The following DYNC2H1 variants were observed in gnomAD, a reference collection of about 807,000 sequenced individuals.
DYNC2H1 encodes cytoplasmic dynein 2 heavy chain 1.
In DYNC2H1, 410 loss-of-function variants were observed where a neutral mutation model predicts 570.0. The observed-to-expected ratio is 0.72, with a 90% CI of 0.66 to 0.78. The LOEUF is 0.78. Ranked by LOEUF, DYNC2H1 falls within the 30% of genes least tolerant of loss-of-function variation. DYNC2H1 has a pLI of 0.00. For missense variants in DYNC2H1, 4,865 were observed against 5,046.4 expected, an observed-to-expected ratio of 0.96 and a Z score of 1.09; for synonymous variants, 1,688 against 1,677.6, an observed-to-expected ratio of 1.01 and a Z score of -0.15.
Position 103,204,992 on chromosome 11 carries a change from A to T in DYNC2H1, c.8454+28A>T. 6.5e-7 allele frequency: 1 copy of T among 1,535,156 alleles called. No individual in the cohort carries two copies. Among genetic ancestry groups the T allele is most frequent in the East Asian group, 2.5e-5 (1 of 40,600 alleles). ...AAGTTTAACAAATATTAAAAAATTTAAAAGCACATTTTATTTTTGAAGTTA... is the reference window on the plus strand; with the variant it reads ...AAGTTTAACAAATATTAAAAAATTTTAAAGCACATTTTATTTTTGAAGTTA... On this transcript the variant is annotated intron_variant, in intron 52 of 88. Transcript: ENST00000375735. This position sits in a 1 kb window ranked among gnomAD's most constrained non-coding sequence, Gnocchi z 4.1.
At chr11:103,211,166 T>C (rs1418752176) in intron 53 of DYNC2H1, among the ~76,000 whole-genome samples, 1 of 151,124 alleles carries the variant, frequency 6.6e-6, no homozygotes, top group African/African-American at 2.4e-5. Context: ...GATGATTATG[T>C]AATGGCTGTG....
intron 31 of DYNC2H1, among the ~76,000 whole-genome samples, chr11:103,168,030 A>G (rs1256334435): frequency 6.6e-6 from 1 of 152,200 alleles, no homozygotes; most frequent in Non-Finnish European, 1.5e-5. Context: ...CTTCTTCTCC[A>G]TGATCTTCCC....
rs1867230138 is a variant in DYNC2H1 at position 103,305,248 on chromosome 11, G to T, written c.11382+528G>T. On this transcript the variant is annotated intron_variant, in intron 77 of 88. Transcript: ENST00000375735. The surrounding 1 kb of genome is among the most constrained non-coding windows in gnomAD (Gnocchi z 4.3). ...AGAAAGATGAGTAGGGTCTTGGGTA[G>T]TTAAAGATGATTCTGAAGAGATATT... is the stretch of plus-strand genomic sequence containing the variant. 6.6e-6 allele frequency among the ~76,000 whole-genome samples: 1 copy of T among 152,202 alleles called. No individual in the cohort carries two copies. The highest frequency in any genetic ancestry group is 2.4e-5 in the African/African-American group (1 of 41,460).
intron 61 of DYNC2H1, among the ~76,000 whole-genome samples, chr11:103,235,097 T>C (rs1381460295): frequency 1.3e-5 from 2 of 151,960 alleles, no homozygotes; most frequent in African/African-American, 4.8e-5. Flanking sequence ...GAATTATCTT[T>C]ATAAAACCCA....
chr11:103,335,021 C>T (rs1235477176), intron 82 of DYNC2H1, among the ~76,000 whole-genome samples: 1 of 152,002 alleles, frequency 6.6e-6, no homozygotes, highest in African/African-American at 2.4e-5. Context: ...AAATACATTG[C>T]CCATGATTAC....
intron 83 of DYNC2H1, among the ~76,000 whole-genome samples, chr11:103,391,761 G>A (rs529552009): frequency 4.5e-4 from 68 of 152,296 alleles, no homozygotes; most frequent in Admixed American, 1.4e-3. Flanking sequence ...CTGGAGGTCC[G>A]CTCCAGACCC....
chr11:103,132,661 T>C (rs1859337550), intron 13 of DYNC2H1, among the ~76,000 whole-genome samples: 2 of 151,860 alleles, frequency 1.3e-5, no homozygotes, highest in African/African-American at 4.8e-5. Flanking sequence ...TGTGTGTGTG[T>C]GTGTGTGTGT....
Position 103,199,129 on chromosome 11 carries a change from A to T in DYNC2H1, c.7840-99A>T. 2.4e-6 allele frequency: 2 copies of T among 824,132 alleles called. No individual in the cohort carries two copies. The highest frequency in any genetic ancestry group is 1.7e-5 in the African/African-American group (1 of 57,824). 51.1% of individuals were successfully genotyped at this position (824,132 alleles called of 1,614,324 possible). ...TGTAGTCACTTTACTTTTTTTCTTG[A>T]ATGTATCAAAAATATAATATTTTAA... On this transcript the variant is annotated intron_variant, in intron 48 of 88. Transcript: ENST00000375735. This position sits in a 1 kb window ranked among gnomAD's most constrained non-coding sequence, Gnocchi z 4.6.
rs2135094579 is a variant in DYNC2H1 at position 103,203,580 on chromosome 11, A to C, written c.8198-83A>C. On this transcript the variant is annotated intron_variant, in intron 50 of 88. Transcript: ENST00000375735. The surrounding 1 kb of genome is among the most constrained non-coding windows in gnomAD (Gnocchi z 4.7). ...TGTATATTTTTGGAAATAAAGATTG[A>C]ATAAGAGCAGATTTTTAAATACAAA... is the stretch of plus-strand genomic sequence containing the variant. 1.2e-6 allele frequency: 1 copy of C among 850,650 alleles called. No individual in the cohort carries two copies. The highest frequency in any genetic ancestry group is 1.9e-5 in the South Asian group (1 of 52,138). The allele number at this position is 850,650 out of a possible 1,614,324, so 52.7% of individuals were successfully genotyped here.
chr11:103,148,592 G>C lies in DYNC2H1; in HGVS notation c.2921G>C (p.Ser974Thr), dbSNP rs1393649286. ...EEIGDANLQY[S>T]KLQERKPEIL... is the part of the protein sequence containing the mutation. ...ATTGGTGATGCAAATCTACAATATAGTAAGTTACAAGAACGGAAGCCAGAG... is the reference window on the plus strand; with the variant it reads ...ATTGGTGATGCAAATCTACAATATACTAAGTTACAAGAACGGAAGCCAGAG... Residue 974 changes from serine to threonine, a missense_variant, in exon 20 of 89, where the codon AGT becomes ACT. Physicochemically the swap from Ser to Thr is moderately conservative, Grantham distance 58. This residue lies in a region of DYNC2H1 where 1,936 missense variants were observed against 1,962.1 expected (regional missense o/e 0.99). Coordinates refer to ENST00000375735, the MANE Select transcript of DYNC2H1 (RefSeq NM_001377.3). The C allele has an allele frequency of 6.4e-7, 1 of 1,568,882 alleles. No individual in the cohort carries two copies. The highest frequency in any genetic ancestry group is 8.7e-7 in the Non-Finnish European group (1 of 1,155,740).
rs1166211402 is a variant in DYNC2H1 at position 103,399,756 on chromosome 11, A to T, written c.12250A>T (p.Ile4084Phe). 22 of 1,613,904 alleles carry T rather than the reference A, an allele frequency of 1.4e-5. No individual in the cohort carries two copies. Among genetic ancestry groups the T allele is most frequent in the Non-Finnish European group, 1.9e-5 (22 of 1,179,820 alleles). ...SFIILEQFNA[I>F]RLVQSVHQSL... ...CATCATTCTTGAACAATTTAATGCT[A>T]TTCGTTTAGTACAAAGTGTCCACCA... The change falls in exon 84 of 89, where the codon ATT becomes TTT. Residue 4084 changes from isoleucine (I) to phenylalanine (F), a missense_variant. Ile to Phe is a conservative substitution (Grantham distance 21). Transcript: ENST00000375735.
chr11:103,471,403 G>C (rs1255965340), intron 88 of DYNC2H1, among the ~76,000 whole-genome samples: 1 of 152,204 alleles, frequency 6.6e-6, no homozygotes, highest in Admixed American at 6.5e-5. Context: ...TAGTTCAGCA[G>C]ACCTAAATTG....
intron 80 of DYNC2H1, among the ~76,000 whole-genome samples, chr11:103,318,992 C>T (rs1377777455): frequency 2.0e-5 from 3 of 151,812 alleles, no homozygotes; most frequent in Non-Finnish European, 4.4e-5. Context: ...AGGATATAAA[C>T]TAATACTTTT....
In DYNC2H1 at chr11:103,176,441, G is replaced by T. The variant is rs1405066753; in HGVS notation, c.5874+7G>T. The T allele has an allele frequency of 6.7e-7, 1 of 1,494,268 alleles. No individual in the cohort carries two copies. Among genetic ancestry groups the T allele is most frequent in the Non-Finnish European group, 8.9e-7 (1 of 1,126,394 alleles). 92.6% of individuals were successfully genotyped at this position (1,494,268 alleles called of 1,614,324 possible). On this transcript the variant is annotated splice_region_variant and intron_variant, in intron 37 of 88. Coordinates refer to ENST00000375735, the MANE Select transcript of DYNC2H1 (RefSeq NM_001377.3). ...TGAAATTATACCCAATCAGGTAACT[G>T]TCAAGAATATTTTATAATAGATTGA...
At chr11:103,339,573 G>A (rs774136022) in intron 82 of DYNC2H1, among the ~76,000 whole-genome samples, 7 of 152,062 alleles carry the variant, frequency 4.6e-5, no homozygotes, top group Non-Finnish European at 7.4e-5. Flanking sequence ...AAAGTCTTAC[G>A]TATTTTTTCC....
At position 103,286,329 on chromosome 11, in the gene DYNC2H1, A is replaced by G. The variant is rs2135353114; in HGVS notation, c.10965A>G (p.Ser3655=). 1 of 1,613,762 alleles carries G rather than the reference A, an allele frequency of 6.2e-7. No homozygotes were observed. Among genetic ancestry groups the G allele is most frequent in the African/African-American group, 1.3e-5 (1 of 75,030 alleles). Residue 3655 remains serine (S), a synonymous_variant, in exon 74 of 89, where the codon TCA becomes TCG. Transcript: ENST00000375735. ...AALWRTYYNN[S]MCEQEFPSIL... ...TGTGGCGTACTTATTATAATAATTC[A>G]ATGTGTGAGCAAGAGTTTCCATCTA...
intron 83 of DYNC2H1, among the ~76,000 whole-genome samples, chr11:103,360,087 A>T (rs1940563544): frequency 6.6e-6 from 1 of 151,842 alleles, no homozygotes; most frequent in African/African-American, 2.4e-5. Flanking sequence ...GAATCTGGGT[A>T]GAGTACAATA....
Position 103,275,250 on chromosome 11 carries a change from A to G in DYNC2H1, c.10696-5098A>G, listed in dbSNP as rs985618413. 6.6e-6 allele frequency among the ~76,000 whole-genome samples: 1 copy of G among 152,182 alleles called. No individual in the cohort carries two copies. The highest frequency in any genetic ancestry group is 2.4e-5 in the African/African-American group (1 of 41,446). ...AGCAGAAAGTATAGAGATTTCCCAT[A>G]CATTCCTTGCCTCCACATACTGTAC... On this transcript the variant is annotated intron_variant, in intron 70 of 88. Transcript: ENST00000375735. The surrounding 1 kb of genome is among the most constrained non-coding windows in gnomAD (Gnocchi z 4.8).
intron 70 of DYNC2H1, among the ~76,000 whole-genome samples, chr11:103,272,336 C>T (rs1337794598): frequency 6.6e-6 from 1 of 152,074 alleles, no homozygotes; most frequent in Non-Finnish European, 1.5e-5. Context: ...AAAAACCAAA[C>T]ACTGCGTGTT....
Sources: gnomAD v4.1 joint callset for allele counts (sites outside exome capture counted in the v4.1 genomes callset) on GRCh38, gnomAD v4.1.1 for gene constraint, gnomAD v4.1.1 regional missense constraint, Gnocchi (gnomAD v3.1) non-coding constraint, MANE v1.5 for transcripts, NCBI Gene and HGNC (gene_info 2026-07-23, HGNC 2026-07-21) for gene names.